KCNQ5: variants seen among roughly 807,000 people sequenced by gnomAD.
KCNQ5 encodes potassium voltage-gated channel subfamily KQT member 5.
Under a neutral mutation model 98.2 loss-of-function variants are expected in KCNQ5, and 30 were observed. That is an observed-to-expected ratio of 0.31 (90% CI 0.23 to 0.41). The LOEUF (loss-of-function observed/expected upper bound fraction) is 0.41, where lower values mean the gene tolerates loss of function less well. Ranked by LOEUF, KCNQ5 falls within the 10% of genes least tolerant of loss-of-function variation. KCNQ5 has a pLI of 1.00. For missense variants in KCNQ5, 835 were observed against 1,182.5 expected, an observed-to-expected ratio of 0.71 and a Z score of 4.31; for synonymous variants, 458 against 449.4, an observed-to-expected ratio of 1.02 and a Z score of -0.24.
chr6:73,175,239 C>T (rs924395261), intron 11 of KCNQ5, among the ~76,000 whole-genome samples: 3 of 152,138 alleles, frequency 2.0e-5, no homozygotes, highest in Non-Finnish European at 2.9e-5. Flanking sequence ...CAACCTCCAC[C>T]TCCCAGGTTC....
At chr6:72,787,004 C>CAAAAAA (rs1045803750) in intron 1 of KCNQ5, among the ~76,000 whole-genome samples, 131 of 50,322 alleles carry the variant, frequency 2.6e-3, no homozygotes, top group Non-Finnish European at 4.6e-3. Flanking sequence ...GACTCTGTCT[C>CAAAAAA]AAAAAAAAAA....
At chr6:73,123,029 C>G (rs1276192468) in intron 8 of KCNQ5, among the ~76,000 whole-genome samples, 1 of 151,636 alleles carries the variant, frequency 6.6e-6, no homozygotes, top group East Asian at 1.9e-4. Context: ...TGGGAAAGAT[C>G]ATTTATTCAG....
rs543978203 is a variant in KCNQ5 at position 72,927,739 on chromosome 6, G to A, written c.399-76169G>A. Among the ~76,000 whole-genome samples the A allele has an allele frequency of 3.6e-4, 54 of 151,984 alleles. 1 individual carries two copies. In the South Asian group the frequency reaches 9.8e-3, roughly 27 times the overall value. ...TGCTTCCATTAATTGAATTTTCTAC[G>A]ATTCTATTGAATTTACCAGTCTATA... On this transcript the variant is annotated intron_variant, in intron 1 of 13. Coordinates refer to ENST00000370398, the MANE Select transcript of KCNQ5 (RefSeq NM_019842.4).
At chr6:73,111,538 A>G (rs1029635504) in intron 7 of KCNQ5, 135 bp downstream of exon 7, 3 of 667,152 alleles carry the variant, frequency 4.5e-6, no homozygotes, top group East Asian at 2.6e-5. Context: ...TCAGAACTTA[A>G]TGTACAGTCT....
At chr6:73,087,439 T>C (rs1464819574) in intron 5 of KCNQ5, among the ~76,000 whole-genome samples, 2 of 59,850 alleles carry the variant, frequency 3.3e-5, no homozygotes, top group Non-Finnish European at 8.3e-5. Flanking sequence ...TTTAGACACA[T>C]TCAGTTAAAT....
At chr6:72,641,594 TTG>T (rs201864534) in intron 1 of KCNQ5, among the ~76,000 whole-genome samples, 8 of 151,602 alleles carry the variant, frequency 5.3e-5, no homozygotes, top group African/African-American at 1.2e-4. Flanking sequence ...GCACACTATT[TTG>T]TGTGTGTGTG....
chr6:72,947,487 T>C (rs1442258614), intron 1 of KCNQ5, among the ~76,000 whole-genome samples: 2 of 152,166 alleles, frequency 1.3e-5, no homozygotes, highest in African/African-American at 4.8e-5. Flanking sequence ...TTAAGTCCGT[T>C]CTTAGCCGCT....
At chr6:72,950,557 C>T (rs866622897) in intron 1 of KCNQ5, among the ~76,000 whole-genome samples, 18 of 152,212 alleles carry the variant, frequency 1.2e-4, no homozygotes, top group South Asian at 4.1e-4. Context: ...TGTCTCACTT[C>T]CTCCAGTGGC....
chr6:72,711,231 C>T (rs1769355399), intron 1 of KCNQ5, among the ~76,000 whole-genome samples: 1 of 151,856 alleles, frequency 6.6e-6, no homozygotes, highest in Non-Finnish European at 1.5e-5. Flanking sequence ...GAGTACACAG[C>T]AAGAAGTAGC....
intron 2 of KCNQ5, among the ~76,000 whole-genome samples, chr6:73,014,405 T>C (rs1770223504): frequency 6.6e-6 from 1 of 152,092 alleles, no homozygotes; most frequent in Non-Finnish European, 1.5e-5. Flanking sequence ...CTATCAATTT[T>C]AGCAAGACAG....
intron 1 of KCNQ5, among the ~76,000 whole-genome samples, chr6:72,924,909 T>G (rs1220910979): frequency 7.2e-5 from 11 of 152,224 alleles, no homozygotes; most frequent in Non-Finnish European, 1.3e-4. Flanking sequence ...ATTATTCATA[T>G]AAACAAGGAA....
chr6:72,864,648 A>G (rs1280654477), intron 1 of KCNQ5, among the ~76,000 whole-genome samples: 1 of 152,174 alleles, frequency 6.6e-6, no homozygotes, highest in East Asian at 1.9e-4. Flanking sequence ...TCTCTCAATA[A>G]TAACATCACT....
At chr6:72,734,462 CAGGCA>C (rs1770719795) in intron 1 of KCNQ5, among the ~76,000 whole-genome samples, 1 of 152,078 alleles carries the variant, frequency 6.6e-6, no homozygotes. Context: ...GCTGGGACTA[CAGGCA>C]CCCACCACCA....
At chr6:72,847,069 T>A (rs900069928) in intron 1 of KCNQ5, among the ~76,000 whole-genome samples, 3 of 152,172 alleles carry the variant, frequency 2.0e-5, no homozygotes, top group Non-Finnish European at 4.4e-5. Context: ...ATGCTTTTTT[T>A]ATCCTAGAAA....
At chr6:73,102,859 T>C (rs1774845675) in intron 5 of KCNQ5, among the ~76,000 whole-genome samples, 1 of 152,154 alleles carries the variant, frequency 6.6e-6, no homozygotes. Flanking sequence ...GGAATGTAAA[T>C]TAGTATAATT....
rs145483859 is a variant in KCNQ5, at chr6:72,821,999, G to C, written c.399-181909G>C. ...ATCTTATCCTTCGTGCATCCTCTCTGTGACTCTCAGAAAGGCTGTCAGTTT... is the reference window on the plus strand; with the variant it reads ...ATCTTATCCTTCGTGCATCCTCTCTCTGACTCTCAGAAAGGCTGTCAGTTT... On this transcript the variant is annotated intron_variant, in intron 1 of 13. Coordinates refer to ENST00000370398, the MANE Select transcript of KCNQ5 (RefSeq NM_019842.4). Among the ~76,000 whole-genome samples the C allele has an allele frequency of 3.6e-4, 55 of 152,198 alleles. 2 individuals carry two copies. In the East Asian group the frequency reaches 0.01, roughly 29 times the overall value.
intron 1 of KCNQ5, among the ~76,000 whole-genome samples, chr6:72,866,994 A>G (rs954636486): frequency 5.9e-5 from 9 of 152,286 alleles, no homozygotes; most frequent in African/African-American, 1.9e-4. Context: ...AATTTAATTG[A>G]TTAAGCTCTG....
intron 3 of KCNQ5, among the ~76,000 whole-genome samples, chr6:73,045,291 CT>C (rs1435945824): frequency 6.6e-5 from 10 of 152,108 alleles, no homozygotes; most frequent in African/African-American, 9.7e-5. Context: ...ATCTATTTAA[CT>C]TTTTTTAATT....
At chr6:73,017,884 C>T (rs1047135618) in intron 2 of KCNQ5, among the ~76,000 whole-genome samples, 3 of 152,088 alleles carry the variant, frequency 2.0e-5, no homozygotes. Context: ...CAGACCAAAA[C>T]AGCTCTCAGG....
Sources: gnomAD v4.1 joint callset for allele counts (sites outside exome capture counted in the v4.1 genomes callset) on GRCh38, gnomAD v4.1.1 for gene constraint, MANE v1.5 for transcripts, NCBI Gene and HGNC (gene_info 2026-07-23, HGNC 2026-07-21) for gene names.